The following PPP2R3A variants were observed in gnomAD, a reference collection of about 807,000 sequenced individuals.
PPP2R3A encodes protein phosphatase 2 regulatory subunit B''alpha.
A neutral mutation model predicts 106.9 loss-of-function variants in PPP2R3A; 80 were observed. The observed-to-expected ratio is 0.75, with a 90% CI of 0.62 to 0.90. PPP2R3A has a LOEUF of 0.90. Among genes scored for constraint, PPP2R3A ranks in the 40% least tolerant of loss-of-function variants. PPP2R3A has a pLI of 0.00. For synonymous variants in PPP2R3A, 483 were observed against 468.3 expected (o/e 1.03, Z -0.41); for missense variants, 1,386 against 1,350.4 (o/e 1.03, Z -0.41).
chr3:136,135,608 G>C (rs1938581731), intron 13 of PPP2R3A, among the ~76,000 whole-genome samples: 1 of 152,178 alleles, frequency 6.6e-6, no homozygotes, highest in African/African-American at 2.4e-5. Context: ...CAGCTGGGCA[G>C]GTTACTTGAC....
At chr3:136,055,001 G>T (rs1004059591) in intron 5 of PPP2R3A, among the ~76,000 whole-genome samples, 3 of 152,174 alleles carry the variant, frequency 2.0e-5, no homozygotes, top group Non-Finnish European at 4.4e-5. Flanking sequence ...AGAAAACACT[G>T]ATTTAAAACC....
intron 9 of PPP2R3A, among the ~76,000 whole-genome samples, chr3:136,088,743 C>T (rs1937020983): frequency 6.6e-6 from 1 of 152,200 alleles, no homozygotes; most frequent in African/African-American, 2.4e-5. Flanking sequence ...TCCACAGCCT[C>T]ACCAGCATGT....
intron 1 of PPP2R3A, among the ~76,000 whole-genome samples, chr3:135,997,883 C>T (rs982289844): frequency 6.6e-6 from 1 of 152,156 alleles, no homozygotes; most frequent in Non-Finnish European, 1.5e-5. Flanking sequence ...ACCTCCTAAT[C>T]GATTTCTAGG....
rs138893827 is a variant in PPP2R3A at position 135,979,494 on chromosome 3, C to G, written c.-441+13645C>G. On this transcript the variant is annotated intron_variant, in intron 1 of 13. Coordinates refer to ENST00000264977, the MANE Select transcript of PPP2R3A (RefSeq NM_002718.5). ...TTGGATCTGGATTCAGATTGGCCAGCCTGGAAAAGACATACCGTCATCAGA... is the reference window on the plus strand; with the variant it reads ...TTGGATCTGGATTCAGATTGGCCAGGCTGGAAAAGACATACCGTCATCAGA... Among the ~76,000 whole-genome samples, 83 of 151,936 alleles carry G rather than the reference C, an allele frequency of 5.5e-4. 3 individuals are homozygous for G. The highest frequency in any genetic ancestry group is 1.4e-3 in the African/African-American group (59 of 41,226).
At chr3:136,130,398 T>G (rs1011395642) in intron 13 of PPP2R3A, among the ~76,000 whole-genome samples, 3 of 152,104 alleles carry the variant, frequency 2.0e-5, no homozygotes, top group Non-Finnish European at 4.4e-5. Context: ...ATGAGTGAAC[T>G]CCCATTCACC....
At chr3:136,118,497 T>G (rs1937867502) in intron 13 of PPP2R3A, among the ~76,000 whole-genome samples, 1 of 152,150 alleles carries the variant, frequency 6.6e-6, no homozygotes, top group African/African-American at 2.4e-5. Flanking sequence ...CAGCCCAAAA[T>G]CTCCTTAAGC....
At chr3:135,983,272 T>C (rs115281241) in intron 1 of PPP2R3A, among the ~76,000 whole-genome samples, 1,656 of 152,318 alleles carry the variant, frequency 0.011, 25 homozygotes, top group African/African-American at 0.033. Flanking sequence ...TCTGACCGTT[T>C]ATCCATTAAG....
intron 12 of PPP2R3A, among the ~76,000 whole-genome samples, chr3:136,104,762 C>T (rs1202286427): frequency 6.6e-6 from 1 of 152,118 alleles, no homozygotes. Flanking sequence ...AGGAACTTAA[C>T]ATTATTCTTG....
intron 9 of PPP2R3A, among the ~76,000 whole-genome samples, chr3:136,089,914 C>T (rs1342146229): frequency 6.6e-6 from 1 of 151,990 alleles, no homozygotes; most frequent in Non-Finnish European, 1.5e-5. Context: ...AGCTTGAATG[C>T]TATTGGTGTA....
intron 5 of PPP2R3A, among the ~76,000 whole-genome samples, chr3:136,053,335 T>A (rs1458247997): frequency 6.6e-6 from 1 of 151,662 alleles, no homozygotes; most frequent in East Asian, 1.9e-4. Flanking sequence ...ATAAATAGTT[T>A]AATAATAAAT....
intron 2 of PPP2R3A, among the ~76,000 whole-genome samples, chr3:136,025,977 C>T (rs975721138): frequency 4.6e-5 from 7 of 152,004 alleles, no homozygotes; most frequent in African/African-American, 1.7e-4. Flanking sequence ...AATGGTGTAC[C>T]TCCCCTCCCT....
intron 7 of PPP2R3A, chr3:136,079,173 A>C (rs1559907362): frequency 2.2e-6 from 1 of 455,326 alleles, no homozygotes; most frequent in Non-Finnish European, 4.4e-6. Context: ...TGGCAAAATT[A>C]GCAGTCCATG....
chr3:136,135,625 G>C (rs1938582214), intron 13 of PPP2R3A, among the ~76,000 whole-genome samples: 1 of 152,176 alleles, frequency 6.6e-6, no homozygotes, highest in African/African-American at 2.4e-5. Context: ...TGACTCCTGA[G>C]GCTCAGTTTC....
chr3:136,041,938 C>T (rs184269141), intron 4 of PPP2R3A, among the ~76,000 whole-genome samples: 1 of 152,112 alleles, frequency 6.6e-6, no homozygotes, highest in Admixed American at 6.5e-5. Context: ...ACAGCTTGCC[C>T]CTTCTGCCTC....
intron 10 of PPP2R3A, among the ~76,000 whole-genome samples, chr3:136,093,826 A>G (rs770437116): frequency 6.6e-6 from 1 of 152,250 alleles, no homozygotes; most frequent in Non-Finnish European, 1.5e-5. Flanking sequence ...CGTTACAGAA[A>G]AGTCTGACAT....
intron 10 of PPP2R3A, 129 bp from the exon 11 acceptor site, chr3:136,101,878 C>T (rs775102969): frequency 1.7e-5 from 18 of 1,034,472 alleles, no homozygotes; most frequent in Non-Finnish European, 2.3e-5. Context: ...CTCTAACAAA[C>T]TTTGTAAAAC....
Position 136,147,526 on chromosome 3 carries a change from TA to T in PPP2R3A, c.*2362del, listed in dbSNP as rs1372554070. ...GCAAGGAATGTGAATTCTGAGGAAT[TA>T]AGGTAGAATATATTTGACTTTCTGG... is the stretch of plus-strand genomic sequence containing the variant. On this transcript the variant is annotated 3_prime_UTR_variant, in exon 14 of 14. Transcript: ENST00000264977. The T allele has an allele frequency of 6.6e-6, 1 of 152,588 alleles. No individual in the cohort carries two copies. The highest frequency in any genetic ancestry group is 2.4e-5 in the African/African-American group (1 of 41,424). The allele number at this position is 152,588 out of a possible 1,614,324, so 9.5% of individuals were successfully genotyped here.
chr3:136,040,762 T>C (rs1242013805), intron 3 of PPP2R3A, 97 bp from the exon 4 acceptor site: 3 of 969,442 alleles, frequency 3.1e-6, no homozygotes, highest in African/African-American at 3.4e-5. Flanking sequence ...TTCCATCCAC[T>C]GTGGCATGAA....
intron 5 of PPP2R3A, among the ~76,000 whole-genome samples, chr3:136,059,547 A>G (rs1037969163): frequency 8.5e-5 from 13 of 152,172 alleles, no homozygotes; most frequent in Admixed American, 2.0e-4. Context: ...AATTAGTTCA[A>G]TCATTATGGA....
Sources: allele counts gnomAD v4.1 joint callset (sites outside exome capture counted in the v4.1 genomes callset), GRCh38; gene constraint gnomAD v4.1.1; transcripts MANE v1.5; gene names NCBI Gene and HGNC (gene_info 2026-07-23, HGNC 2026-07-21).